Variants in PDE8A observed in about 807,000 individuals in gnomAD.
PDE8A encodes the protein high affinity cAMP-specific and IBMX-insensitive 3',5'-cyclic phosphodiesterase 8A.
In PDE8A, 59 loss-of-function variants were observed where a neutral mutation model predicts 105.0. The ratio of observed to expected loss-of-function variants is 0.56; its 90% CI spans 0.46 to 0.70. The LOEUF is 0.70. Among genes scored for constraint, PDE8A ranks in the 30% least tolerant of loss-of-function variants. The pLI, the probability that PDE8A is intolerant of heterozygous loss-of-function variation, is 0.00. For missense variants in PDE8A, 1,014 were observed against 1,045.9 expected, an observed-to-expected ratio of 0.97 and a Z score of 0.42; for synonymous variants, 355 against 371.9, an observed-to-expected ratio of 0.95 and a Z score of 0.52.
chr15:85,137,853 A>G lies in PDE8A; in HGVS notation c.2440A>G (p.Lys814Glu). The change falls in exon 22 of 22, where the codon AAA (lysine) becomes GAA (glutamate). Residue 814 changes from lysine (K) to glutamate (E), a missense_variant. Coordinates refer to ENST00000394553, the MANE Select transcript of PDE8A (RefSeq NM_002605.3). ...QHLDNNFKYW[K>E]GLDEMKLRNL... ...TCTTGACAACAACTTTAAATACTGG[A>G]AAGGACTGGACGAAATGAAGCTGCG... 1 of 1,613,792 alleles carries G rather than the reference A, an allele frequency of 6.2e-7. No homozygotes were observed. The highest frequency in any genetic ancestry group is 8.5e-7 in the Non-Finnish European group (1 of 1,179,682).
At chr15:85,094,477 A>G (rs2081706626) in intron 8 of PDE8A, among the ~76,000 whole-genome samples, 1 of 152,026 alleles carries the variant, frequency 6.6e-6, no homozygotes, top group Admixed American at 6.5e-5. Context: ...CTGTGTAGAA[A>G]TCTCACACTT....
chr15:85,048,986 T>G (rs1441226807), intron 1 of PDE8A, among the ~76,000 whole-genome samples: 1 of 152,054 alleles, frequency 6.6e-6, no homozygotes, highest in Non-Finnish European at 1.5e-5. Flanking sequence ...CCTGTAGTCC[T>G]GGCTACTCGG....
At chr15:85,005,984 C>T (rs1240308841) in intron 1 of PDE8A, among the ~76,000 whole-genome samples, 1 of 152,098 alleles carries the variant, frequency 6.6e-6, no homozygotes, top group Non-Finnish European at 1.5e-5. Flanking sequence ...TCCACAGCCT[C>T]ACCAAATACG....
At chr15:84,982,399 G>A in intron 1 of PDE8A, 51 bp downstream of exon 1, 1 of 1,223,148 alleles carries the variant, frequency 8.2e-7, no homozygotes, top group Non-Finnish European at 1.0e-6. Flanking sequence ...GGCCCGGCCA[G>A]TAAGCAACTT....
chr15:85,084,314 AGGACCAGTACAGGGTTCCACGTGTAGG>A (rs1317942888), intron 6 of PDE8A, among the ~76,000 whole-genome samples: 3 of 152,194 alleles, frequency 2.0e-5, no homozygotes, highest in Non-Finnish European at 4.4e-5. Flanking sequence ...AAGATTAATA[AGGACCAGTACAGGGTTCCACGTGTAGG>A]GAAGATAGGT....
intron 1 of PDE8A, among the ~76,000 whole-genome samples, chr15:84,992,906 C>A (rs2079908228): frequency 1.3e-5 from 2 of 152,108 alleles, no homozygotes; most frequent in Non-Finnish European, 2.9e-5. Flanking sequence ...TTTATTTTCC[C>A]TGTTTAAGGC....
chr15:85,001,530 G>T (rs1402767790), intron 1 of PDE8A, among the ~76,000 whole-genome samples: 1 of 152,194 alleles, frequency 6.6e-6, no homozygotes, highest in Non-Finnish European at 1.5e-5. Context: ...GAGAGTGGAA[G>T]AAGGTCACGG....
At chr15:85,113,742 A>G (rs955226124) in intron 13 of PDE8A, 131 bp from the exon 14 acceptor site, 3 of 708,542 alleles carry the variant, frequency 4.2e-6, no homozygotes, top group Non-Finnish European at 4.7e-6. Context: ...CTAGTCTCAA[A>G]CTCCTGGGCT....
intron 14 of PDE8A, chr15:85,115,181 G>A (rs974775097): frequency 4.5e-6 from 2 of 443,626 alleles, no homozygotes; most frequent in Admixed American, 4.8e-5. Context: ...CTCACCTCCC[G>A]GGTGTTGACC....
chr15:85,018,750 C>T (rs2080370441), intron 1 of PDE8A, among the ~76,000 whole-genome samples: 1 of 152,064 alleles, frequency 6.6e-6, no homozygotes, highest in South Asian at 2.1e-4. Context: ...AAAATCTTTG[C>T]TAATTTGGAT....
chr15:85,069,068 A>G lies in PDE8A; in HGVS notation c.434+1864A>G, dbSNP rs16974764. ...TTATAAAATGAAGTTCTTGTCTTCT[A>G]TGAGCTTATAGACTAGAGGAGCTGA... is the stretch of plus-strand genomic sequence containing the variant. On this transcript the variant is annotated intron_variant, in intron 3 of 21. Coordinates refer to ENST00000394553, the MANE Select transcript of PDE8A (RefSeq NM_002605.3). 9.0e-3 allele frequency among the ~76,000 whole-genome samples: 1,372 copies of G among 152,312 alleles called. 25 individuals carry two copies. The highest frequency in any genetic ancestry group is 0.031 in the African/African-American group (1,292 of 41,566).
chr15:85,136,702 A>G (rs757362445), intron 21 of PDE8A, 39 bp downstream of exon 21: 4 of 1,594,594 alleles, frequency 2.5e-6, no homozygotes, highest in Non-Finnish European at 3.4e-6. Context: ...TTTCCTCTAA[A>G]TAATGGGGAA....
chr15:84,983,238 C>G (rs377163031), intron 1 of PDE8A, among the ~76,000 whole-genome samples: 35 of 152,282 alleles, frequency 2.3e-4, no homozygotes, highest in African/African-American at 7.2e-4. Flanking sequence ...GGAACTCATG[C>G]GTTGGTTTAT....
chr15:85,127,756 T>C (rs2082277317), intron 20 of PDE8A, among the ~76,000 whole-genome samples: 1 of 152,176 alleles, frequency 6.6e-6, no homozygotes, highest in Non-Finnish European at 1.5e-5. Flanking sequence ...AATTGGTGTT[T>C]CAATTCAAAA....
intron 20 of PDE8A, among the ~76,000 whole-genome samples, chr15:85,131,639 TACAAA>T (rs1457044287): frequency 6.6e-6 from 1 of 152,254 alleles, no homozygotes; most frequent in African/African-American, 2.4e-5. Context: ...AAAGTAAAGT[TACAAA>T]ACAAAATTGT....
At chr15:85,025,910 G>A (rs2080508911) in intron 1 of PDE8A, among the ~76,000 whole-genome samples, 1 of 152,026 alleles carries the variant, frequency 6.6e-6, no homozygotes, top group African/African-American at 2.4e-5. Flanking sequence ...CATATATATG[G>A]GGCAAAACAC....
In PDE8A at chr15:84,982,167, G is replaced by T; in HGVS notation, c.5G>T (p.Gly2Val). 1 of 1,461,030 alleles carries T rather than the reference G, an allele frequency of 6.8e-7. No individual in the cohort carries two copies. The highest frequency in any genetic ancestry group is 3.0e-5 in the East Asian group (1 of 33,686). 90.5% of individuals were successfully genotyped at this position (1,461,030 alleles called of 1,614,324 possible). Residue 2 changes from glycine to valine, a missense_variant, in exon 1 of 22, where the codon GGC (glycine) becomes GTC (valine). Gly to Val is a moderately radical substitution (Grantham distance 109). Transcript: ENST00000394553. M[G>V]CAPSIHISER... ...GTCCGCGGCGCCGCCGCCAGCATGG[G>T]CTGTGCCCCGAGCATCCACATTTCC...
chr15:85,023,963 C>G (rs540593935), intron 1 of PDE8A, among the ~76,000 whole-genome samples: 12 of 152,220 alleles, frequency 7.9e-5, no homozygotes, highest in African/African-American at 2.9e-4. Context: ...AACTGGCTGT[C>G]CACAGCCTCC....
chr15:85,020,001 T>G (rs1198566341), intron 1 of PDE8A, among the ~76,000 whole-genome samples: 1 of 146,334 alleles, frequency 6.8e-6, no homozygotes, highest in Non-Finnish European at 1.5e-5. Context: ...CTCTTCTTAG[T>G]CTCTCTTCTG....
Sources: gnomAD v4.1 joint callset for allele counts (sites outside exome capture counted in the v4.1 genomes callset) on GRCh38, gnomAD v4.1.1 for gene constraint, MANE v1.5 for transcripts, NCBI Gene and HGNC (gene_info 2026-07-23, HGNC 2026-07-21) for gene names.